PTPN4: variants seen among roughly 807,000 people sequenced by gnomAD.
The protein encoded by PTPN4 is protein tyrosine phosphatase non-receptor type 4, also known as tyrosine-protein phosphatase non-receptor type 4.
PTPN4 carries 49 observed loss-of-function variants against 135.5 expected under a neutral mutation model. The observed-to-expected ratio is 0.36, with a 90% CI of 0.29 to 0.46. PTPN4 has a LOEUF of 0.46. Among genes scored for constraint, PTPN4 ranks in the 20% least tolerant of loss-of-function variants. The pLI is 1.00. For missense variants in PTPN4, 860 were observed against 1,101.0 expected (o/e 0.78, Z 3.10); for synonymous variants, 333 against 369.9 (o/e 0.90, Z 1.14).
intron 10 of PTPN4, among the ~76,000 whole-genome samples, chr2:119,902,073 A>G (rs1297590909): frequency 2.6e-5 from 4 of 152,256 alleles, no homozygotes; most frequent in African/African-American, 9.6e-5. Context: ...TCACAGATGC[A>G]GAAAGTTCAG....
At chr2:119,973,724 T>C (rs1371469276) in intron 26 of PTPN4, among the ~76,000 whole-genome samples, 1 of 137,640 alleles carries the variant, frequency 7.3e-6, no homozygotes, top group Admixed American at 8.4e-5. Context: ...TTGCAACATA[T>C]TTCTGACGGC....
chr2:119,914,073 G>A (rs1316906611), intron 10 of PTPN4, among the ~76,000 whole-genome samples: 1 of 151,816 alleles, frequency 6.6e-6, no homozygotes, highest in Non-Finnish European at 1.5e-5. Context: ...ATACCTTCCT[G>A]GGAATTTTTG....
rs567204388 is a variant in PTPN4, at chr2:119,885,925, C to A, written c.675+43C>A. 1.9e-4 allele frequency: 254 copies of A among 1,329,374 alleles called. 4 individuals carry two copies. In the South Asian group the frequency reaches 3.4e-3, roughly 18 times the overall value. The allele number at this position is 1,329,374 out of a possible 1,614,324, so 82.3% of individuals were successfully genotyped here. A position where few individuals can be genotyped will look rare whatever the true frequency, so the allele number is the denominator to read the frequency against. On this transcript the variant is annotated intron_variant, in intron 9 of 26. Transcript: ENST00000263708. ...ACTTTGATGTTGTTGAGTTAGGCTCCGTTACTCAATATAACATTTTTTAAG... is the reference window on the plus strand; with the variant it reads ...ACTTTGATGTTGTTGAGTTAGGCTCAGTTACTCAATATAACATTTTTTAAG...
intron 26 of PTPN4, among the ~76,000 whole-genome samples, chr2:119,974,343 C>T (rs970142893): frequency 3.3e-5 from 5 of 152,130 alleles, no homozygotes; most frequent in East Asian, 1.9e-4. Context: ...TCCCAAGTAG[C>T]TGGGATTGCA....
chr2:119,895,724 A>G (rs1040348572), intron 9 of PTPN4, among the ~76,000 whole-genome samples: 2 of 152,180 alleles, frequency 1.3e-5, no homozygotes, highest in African/African-American at 4.8e-5. Flanking sequence ...GATCGAGACC[A>G]TCCTGGCTAA....
intron 13 of PTPN4, among the ~76,000 whole-genome samples, chr2:119,928,044 T>A (rs1678850603): frequency 6.6e-6 from 1 of 152,184 alleles, no homozygotes; most frequent in Non-Finnish European, 1.5e-5. Context: ...ATTTTGATAC[T>A]CATTATTCAG....
intron 1 of PTPN4, among the ~76,000 whole-genome samples, chr2:119,786,946 A>G (rs1262292805): frequency 3.3e-5 from 5 of 152,190 alleles, no homozygotes; most frequent in Non-Finnish European, 5.9e-5. Context: ...GGCACTTACT[A>G]TAATACAGTT....
intron 2 of PTPN4, among the ~76,000 whole-genome samples, chr2:119,815,651 G>GT (rs991630418): frequency 4.0e-4 from 61 of 151,830 alleles, no homozygotes; most frequent in African/African-American, 1.4e-3. Flanking sequence ...TGAGAATTAG[G>GT]TTTTTTTTAT....
intron 1 of PTPN4, among the ~76,000 whole-genome samples, chr2:119,800,955 T>A (rs2104942218): frequency 6.6e-6 from 1 of 152,294 alleles, no homozygotes; most frequent in Admixed American, 6.5e-5. Context: ...TAAATGTAGG[T>A]ACATAATCAT....
chr2:119,891,153 G>A (rs1366693095), intron 9 of PTPN4, among the ~76,000 whole-genome samples: 2 of 152,154 alleles, frequency 1.3e-5, no homozygotes, highest in East Asian at 3.9e-4. Flanking sequence ...GGAAGGCTTT[G>A]CTCATTCTTT....
intron 22 of PTPN4, among the ~76,000 whole-genome samples, chr2:119,959,205 A>C (rs1012058795): frequency 3.0e-4 from 46 of 151,296 alleles, no homozygotes; most frequent in African/African-American, 8.2e-4. Context: ...TCCTTGATGG[A>C]GGATTAGCTA....
chr2:119,856,648 A>G (rs1206800433), intron 2 of PTPN4, among the ~76,000 whole-genome samples: 1 of 152,236 alleles, frequency 6.6e-6, no homozygotes, highest in Non-Finnish European at 1.5e-5. Context: ...CAAATGGGCC[A>G]TGGCTGATAC....
intron 1 of PTPN4, among the ~76,000 whole-genome samples, chr2:119,791,923 G>A (rs935083776): frequency 2.6e-5 from 4 of 152,108 alleles, no homozygotes; most frequent in African/African-American, 7.2e-5. Flanking sequence ...TATTGTGACT[G>A]TATTGGTATG....
intron 8 of PTPN4, 75 bp downstream of exon 8, chr2:119,882,698 TATG>T: frequency 8.3e-7 from 1 of 1,201,470 alleles, no homozygotes; most frequent in South Asian, 1.6e-5. Flanking sequence ...GAAATTCTAA[TATG>T]ATGGCTGTAT....
intron 11 of PTPN4, among the ~76,000 whole-genome samples, chr2:119,918,789 G>A (rs914564983): frequency 2.6e-5 from 4 of 152,190 alleles, no homozygotes; most frequent in Non-Finnish European, 5.9e-5. Flanking sequence ...ACAGGAATAT[G>A]CATGGCTGCA....
intron 5 of PTPN4, among the ~76,000 whole-genome samples, chr2:119,881,257 AAG>A (rs972260038): frequency 1.2e-4 from 19 of 152,354 alleles, no homozygotes; most frequent in African/African-American, 4.3e-4. Context: ...CCGCCAATCA[AAG>A]AGAGACTTCC....
chr2:119,950,568 A>T (rs1417353267), intron 18 of PTPN4, among the ~76,000 whole-genome samples: 1 of 152,150 alleles, frequency 6.6e-6, no homozygotes, highest in Non-Finnish European at 1.5e-5. Flanking sequence ...ACAGTGCCTT[A>T]TTGGATTTTA....
intron 2 of PTPN4, among the ~76,000 whole-genome samples, chr2:119,855,565 C>T (rs1189198003): frequency 1.3e-5 from 2 of 152,114 alleles, no homozygotes; most frequent in African/African-American, 2.4e-5. Context: ...TAGTCATTTA[C>T]GATGCCGTTT....
At chr2:119,801,120 G>A (rs556295336) in intron 1 of PTPN4, among the ~76,000 whole-genome samples, 4 of 152,074 alleles carry the variant, frequency 2.6e-5, no homozygotes, top group South Asian at 2.1e-4. Flanking sequence ...GCAGAGCCTC[G>A]CTCTATCACC....
Sources: gnomAD v4.1 joint callset for allele counts (sites outside exome capture counted in the v4.1 genomes callset) on GRCh38, gnomAD v4.1.1 for gene constraint, MANE v1.5 for transcripts, NCBI Gene and HGNC (gene_info 2026-07-23, HGNC 2026-07-21) for gene names.